FIP1L1: variants seen among roughly 807,000 people sequenced by gnomAD.
FIP1L1 encodes factor interacting with PAPOLA and CPSF1.
A neutral mutation model predicts 84.6 loss-of-function variants in FIP1L1; 21 were observed. The observed-to-expected ratio is 0.25, with a 90% CI of 0.18 to 0.36. The LOEUF (loss-of-function observed/expected upper bound fraction) is 0.36, where lower values mean the gene tolerates loss of function less well. FIP1L1 is among the 10% of genes least tolerant of loss of function. FIP1L1 has a pLI of 1.00. For missense variants in FIP1L1, 526 were observed against 751.1 expected (o/e 0.70, Z 3.50); for synonymous variants, 263 against 242.3 (o/e 1.09, Z -0.80).
Position 53,428,098 on chromosome 4 carries a change from A to G in FIP1L1, c.1089A>G (p.Gly363=). The G allele has an allele frequency of 6.2e-7, 1 of 1,610,602 alleles. No individual in the cohort carries two copies. Among genetic ancestry groups the G allele is most frequent in the Non-Finnish European group, 8.5e-7 (1 of 1,177,594 alleles). The change falls in exon 13 of 18, where the codon GGA becomes GGG. Residue 363 remains glycine (G), a synonymous_variant. Coordinates refer to ENST00000337488, the MANE Select transcript of FIP1L1 (RefSeq NM_030917.4). ...FSKPPPFFPP[G]APPTHLPPPP... ...AACCACCTCCGTTTTTCCCTCCAGG[A>G]GCTCCTCCCACTCACCTTCCACCTC...
intron 13 of FIP1L1, among the ~76,000 whole-genome samples, chr4:53,440,353 T>C (rs1241663602): frequency 6.6e-6 from 1 of 151,974 alleles, no homozygotes; most frequent in Non-Finnish European, 1.5e-5. Context: ...TGATTACTAG[T>C]GGGGGAAACC....
rs182968190 is a variant in FIP1L1 at position 53,460,017 on chromosome 4, A to G, written c.*568A>G. 2.7e-4 allele frequency: 56 copies of G among 206,994 alleles called. No homozygotes were observed. The highest frequency in any genetic ancestry group is 1.2e-3 in the African/African-American group (54 of 43,438). The allele number at this position is 206,994 out of a possible 1,614,324, so 12.8% of individuals were successfully genotyped here. A position where few individuals can be genotyped will look rare whatever the true frequency, so the allele number is the denominator to read the frequency against. On this transcript the variant is annotated 3_prime_UTR_variant, in exon 18 of 18. Transcript: ENST00000337488. ...GGGGTACACTTTCATATCCAAATTA[A>G]TAAAACCTATAAGGCATCTGGGTGG...
intron 13 of FIP1L1, among the ~76,000 whole-genome samples, chr4:53,439,140 T>A (rs1304485903): frequency 1.3e-5 from 2 of 152,182 alleles, no homozygotes; most frequent in African/African-American, 2.4e-5. Context: ...TTTAATGATC[T>A]GCCTTCCTTA....
intron 13 of FIP1L1, among the ~76,000 whole-genome samples, chr4:53,433,726 C>T (rs1237253602): frequency 1.3e-5 from 2 of 152,086 alleles, no homozygotes; most frequent in African/African-American, 4.8e-5. Flanking sequence ...GACCACAAAC[C>T]AGGATCCCTG....
intron 15 of FIP1L1, among the ~76,000 whole-genome samples, 200 bp downstream of exon 15, chr4:53,444,303 T>G (rs1355966001): frequency 6.6e-6 from 1 of 152,226 alleles, no homozygotes; most frequent in African/African-American, 2.4e-5. Context: ...GCTTTTAAAA[T>G]TAATTCATGG....
Position 53,459,630 on chromosome 4 carries a change from T to G in FIP1L1, c.*181T>G. 1.2e-6 allele frequency: 1 copy of G among 809,330 alleles called. No homozygotes were observed. Among genetic ancestry groups the G allele is most frequent in the Admixed American group, 2.8e-5 (1 of 35,594 alleles). The allele number at this position is 809,330 out of a possible 1,614,324, so 50.1% of individuals were successfully genotyped here. ...TCATGTTAAGTTAAAAATCTTTGTC[T>G]TGTACTATTTCAAAAATAAAAAGAC... On this transcript the variant is annotated 3_prime_UTR_variant, in exon 18 of 18. Coordinates refer to ENST00000337488, the MANE Select transcript of FIP1L1 (RefSeq NM_030917.4).
chr4:53,443,830 A>AT (rs1773030622), intron 14 of FIP1L1, among the ~76,000 whole-genome samples: 1 of 152,112 alleles, frequency 6.6e-6, no homozygotes. Flanking sequence ...GTTAAATAGT[A>AT]TTAGTACATC....
intron 10 of FIP1L1, among the ~76,000 whole-genome samples, chr4:53,402,007 A>G (rs552690780): frequency 7.2e-5 from 11 of 152,236 alleles, no homozygotes; most frequent in Non-Finnish European, 1.2e-4. Context: ...TGTCAGGAAA[A>G]TAAGGATTAA....
At chr4:53,422,943 T>A (rs1762966814) in intron 11 of FIP1L1, among the ~76,000 whole-genome samples, 1 of 152,200 alleles carries the variant, frequency 6.6e-6, no homozygotes, top group Admixed American at 6.5e-5. Context: ...CTTGAATTCC[T>A]GGGCTTAAGT....
intron 11 of FIP1L1, among the ~76,000 whole-genome samples, chr4:53,418,054 T>C (rs1760613948): frequency 6.6e-6 from 1 of 152,140 alleles, no homozygotes; most frequent in African/African-American, 2.4e-5. Context: ...TTTGGGAAGC[T>C]GAGGTGGGTG....
chr4:53,382,809 C>T (rs1198569941), intron 4 of FIP1L1, among the ~76,000 whole-genome samples: 2 of 152,140 alleles, frequency 1.3e-5, no homozygotes, highest in Non-Finnish European at 2.9e-5. Context: ...AGTTATTGTT[C>T]CGGAAGTTTG....
Position 53,398,171 on chromosome 4 carries a change from C to G in FIP1L1, c.706-1559C>G, listed in dbSNP as rs1299540970. On this transcript the variant is annotated intron_variant, in intron 9 of 17. Transcript: ENST00000337488. ...CAGCTTCTGGTACATAATAGATATT[C>G]AATAAATGATGTTTACATTCTCTCA... Among the ~76,000 whole-genome samples the G allele has an allele frequency of 2.0e-5, 3 of 151,994 alleles. No homozygotes were observed. In the East Asian group the frequency reaches 5.8e-4, roughly 29 times the overall value.
chr4:53,410,785 G>T (rs1382711480), intron 10 of FIP1L1, among the ~76,000 whole-genome samples: 1 of 151,964 alleles, frequency 6.6e-6, no homozygotes, highest in Non-Finnish European at 1.5e-5. Flanking sequence ...TCACCTAATT[G>T]TTCTCTTTTA....
chr4:53,393,645 G>T lies in FIP1L1; in HGVS notation c.705+2147G>T, dbSNP rs536443180. ...TGTAATTATTTAATTAGAGTGAATG[G>T]CAAGAGAGAAGTGACTAGTGGGAAT... On this transcript the variant is annotated intron_variant, in intron 9 of 17. Coordinates refer to ENST00000337488, the MANE Select transcript of FIP1L1 (RefSeq NM_030917.4). Among the ~76,000 whole-genome samples the T allele has an allele frequency of 6.6e-5, 10 of 152,140 alleles. No homozygotes were observed. The South Asian group carries it at 2.1e-3, about 32-fold the overall frequency.
At chr4:53,438,970 G>T (rs933732935) in intron 13 of FIP1L1, among the ~76,000 whole-genome samples, 9 of 151,984 alleles carry the variant, frequency 5.9e-5, no homozygotes, top group African/African-American at 1.4e-4. Flanking sequence ...GATGATTTTG[G>T]TATATTCCTT....
At chr4:53,451,219 C>T (rs1057103744) in intron 15 of FIP1L1, among the ~76,000 whole-genome samples, 1 of 151,894 alleles carries the variant, frequency 6.6e-6, no homozygotes, top group African/African-American at 2.4e-5. Context: ...AATCCGCCCA[C>T]CTCTGCCTCC....
At chr4:53,442,524 C>T in intron 13 of FIP1L1, 129 bp from the exon 14 acceptor site, 1 of 628,074 alleles carries the variant, frequency 1.6e-6, no homozygotes, top group Admixed American at 2.9e-5. Context: ...TTTTTTCTGT[C>T]CATTATTACA....
At chr4:53,415,108 T>A (rs1486939959) in intron 11 of FIP1L1, among the ~76,000 whole-genome samples, 6 of 152,138 alleles carry the variant, frequency 3.9e-5, no homozygotes, top group Non-Finnish European at 8.8e-5. Context: ...ACCCGTAAAA[T>A]TTGACTCTAC....
intron 13 of FIP1L1, among the ~76,000 whole-genome samples, chr4:53,429,881 G>A (rs1765810393): frequency 6.6e-6 from 1 of 152,116 alleles, no homozygotes; most frequent in South Asian, 2.1e-4. Flanking sequence ...GTACAGTAGA[G>A]CTCCAAAACT....
Sources: allele counts gnomAD v4.1 joint callset (sites outside exome capture counted in the v4.1 genomes callset), GRCh38; gene constraint gnomAD v4.1.1; transcripts MANE v1.5; gene names NCBI Gene and HGNC (gene_info 2026-07-23, HGNC 2026-07-21).